Variants in ADGRB3 observed in about 807,000 individuals in gnomAD.
The protein encoded by ADGRB3 is brain-specific angiogenesis inhibitor 3.
ADGRB3 carries 37 observed loss-of-function variants against 193.4 expected under a neutral mutation model. That is an observed-to-expected ratio of 0.19 (90% CI 0.15 to 0.25). ADGRB3 has a LOEUF of 0.25. Ranked by LOEUF, ADGRB3 falls within the 10% of genes least tolerant of loss-of-function variation. The probability of loss-of-function intolerance (pLI) is 1.00; values close to 1 mark genes in which losing one functional copy is unlikely to be tolerated. For missense variants in ADGRB3, 1,637 were observed against 1,852.9 expected (o/e 0.88, Z 2.14); for synonymous variants, 690 against 644.2 (o/e 1.07, Z -1.08).
At chr6:69,295,467 G>A (rs1403201814) in intron 20 of ADGRB3, among the ~76,000 whole-genome samples, 1 of 152,088 alleles carries the variant, frequency 6.6e-6, no homozygotes, top group East Asian at 1.9e-4. Context: ...AGCAGCTGAA[G>A]GACCTGAGAC....
chr6:69,280,951 C>T (rs1036492696), intron 20 of ADGRB3, among the ~76,000 whole-genome samples: 1 of 152,168 alleles, frequency 6.6e-6, no homozygotes, highest in African/African-American at 2.4e-5. Context: ...TGCTTTCTAT[C>T]AAACTAAAAT....
intron 11 of ADGRB3, among the ~76,000 whole-genome samples, chr6:69,009,024 C>T (rs1229306902): frequency 6.7e-6 from 1 of 148,418 alleles, no homozygotes. Context: ...TTATTGTTTT[C>T]TATTAAAAAA....
intron 20 of ADGRB3, among the ~76,000 whole-genome samples, chr6:69,290,997 G>A (rs975303003): frequency 6.6e-6 from 1 of 152,078 alleles, no homozygotes; most frequent in African/African-American, 2.4e-5. Context: ...AGTCATATCT[G>A]ATTATATAGA....
At position 69,207,069 on chromosome 6, in the gene ADGRB3, C is replaced by T. The variant is rs533838378; in HGVS notation, c.2481-26221C>T. On this transcript the variant is annotated intron_variant, in intron 17 of 31. Coordinates refer to ENST00000370598, the MANE Select transcript of ADGRB3 (RefSeq NM_001704.3). Reference sequence around the variant, plus strand: ...TCATCTTGATAGTCTAGGTCATTCACGCCAGCCAACACTGTTACTCCCTTC... The same window carrying T: ...TCATCTTGATAGTCTAGGTCATTCATGCCAGCCAACACTGTTACTCCCTTC... Among the ~76,000 whole-genome samples, 18 of 152,264 alleles carry T rather than the reference C, an allele frequency of 1.2e-4. No individual in the cohort carries two copies. The East Asian group carries it at 2.9e-3, about 24-fold the overall frequency.
intron 20 of ADGRB3, among the ~76,000 whole-genome samples, chr6:69,278,628 G>A (rs1201281667): frequency 6.6e-6 from 1 of 152,134 alleles, no homozygotes. Context: ...GACATTACAA[G>A]CATGTTCAGG....
intron 16 of ADGRB3, among the ~76,000 whole-genome samples, chr6:69,067,129 C>T (rs1224026483): frequency 6.6e-6 from 1 of 152,036 alleles, no homozygotes; most frequent in East Asian, 1.9e-4. Context: ...TAGAGTGGAC[C>T]ATACCAGCCT....
At chr6:69,189,345 T>C (rs536715891) in intron 17 of ADGRB3, among the ~76,000 whole-genome samples, 1 of 152,326 alleles carries the variant, frequency 6.6e-6, no homozygotes, top group East Asian at 1.9e-4. Context: ...ATGTTTGCAT[T>C]TATACCAGCA....
At chr6:69,047,924 C>T (rs1180460578) in intron 13 of ADGRB3, among the ~76,000 whole-genome samples, 4 of 152,160 alleles carry the variant, frequency 2.6e-5, no homozygotes, top group Admixed American at 6.5e-5. Context: ...CCTGTTAATA[C>T]TCTCAGAATA....
chr6:68,943,867 A>G lies in ADGRB3; in HGVS notation c.1068A>G (p.Leu356=). The G allele has an allele frequency of 6.2e-7, 1 of 1,613,724 alleles. No individual in the cohort carries two copies. The highest frequency in any genetic ancestry group is 8.5e-7 in the Non-Finnish European group (1 of 1,179,738). The change falls in exon 6 of 32, where the codon TTA becomes TTG. Residue 356 remains leucine, a synonymous_variant. Coordinates refer to ENST00000370598, the MANE Select transcript of ADGRB3 (RefSeq NM_001704.3). ...GVWEEWSPWS[L]CSFTCGRGQR... ...GGGAGGAATGGTCACCATGGAGTTTATGTTCATTTACATGTGGTCGAGGCC... is the reference window on the plus strand; with the variant it reads ...GGGAGGAATGGTCACCATGGAGTTTGTGTTCATTTACATGTGGTCGAGGCC...
At chr6:69,183,459 T>A (rs1764986323) in intron 17 of ADGRB3, among the ~76,000 whole-genome samples, 1 of 149,958 alleles carries the variant, frequency 6.7e-6, no homozygotes, top group Non-Finnish European at 1.5e-5. Context: ...GAGAACTTCA[T>A]TCTTTCAAAT....
At chr6:69,038,237 C>G (rs1770931906) in intron 13 of ADGRB3, among the ~76,000 whole-genome samples, 1 of 152,052 alleles carries the variant, frequency 6.6e-6, no homozygotes. Flanking sequence ...TTTTTGCCTG[C>G]ATTGGTGCCT....
At chr6:68,875,700 T>C (rs566821578) in intron 3 of ADGRB3, among the ~76,000 whole-genome samples, 1 of 152,086 alleles carries the variant, frequency 6.6e-6, no homozygotes, top group Non-Finnish European at 1.5e-5. Flanking sequence ...GTATTTTAAA[T>C]ATCAACTATA....
At chr6:69,180,329 A>G (rs1775545991) in intron 17 of ADGRB3, among the ~76,000 whole-genome samples, 1 of 152,250 alleles carries the variant, frequency 6.6e-6, no homozygotes, top group Admixed American at 6.5e-5. Context: ...TGGAGCAGAA[A>G]GGGCCTTCTT....
chr6:68,804,940 A>T (rs910191473), intron 3 of ADGRB3, among the ~76,000 whole-genome samples: 7 of 150,586 alleles, frequency 4.6e-5, no homozygotes, highest in East Asian at 2.0e-4. Flanking sequence ...TTATTTATTT[A>T]TTTTTTTGAC....
In ADGRB3 at chr6:69,297,372, C is replaced by CTT. The variant is rs1431421716; in HGVS notation, c.2815-27499_2815-27498insTT. ...TCTCTCTCTCTCTCTCTCTCTTTCT[C>CTT]TCTCTCTCTCTCTCTCTCTATCTCT... On this transcript the variant is annotated intron_variant, in intron 20 of 31. Transcript: ENST00000370598. Among the ~76,000 whole-genome samples, 118 of 85,338 alleles carry CTT rather than the reference C, an allele frequency of 1.4e-3. 1 individual carries two copies. The highest frequency in any genetic ancestry group is 6.6e-3 in the South Asian group (15 of 2,260). The allele number at this position is 85,338 out of a possible 152,430, so 56.0% of individuals were successfully genotyped here.
Position 69,318,808 on chromosome 6 carries a change from C to T in ADGRB3, c.2815-6064C>T, listed in dbSNP as rs1466565559. 3.3e-5 allele frequency among the ~76,000 whole-genome samples: 5 copies of T among 150,184 alleles called. 1 individual carries two copies. Among genetic ancestry groups the T allele is most frequent in the Non-Finnish European group, 4.5e-5 (3 of 67,164 alleles). ...ATTTATGTTTTACTAGAAAAACGTC[C>T]ATTTTATGTAGCTTGTCAAGGGTGT... On this transcript the variant is annotated intron_variant, in intron 20 of 31. Coordinates refer to ENST00000370598, the MANE Select transcript of ADGRB3 (RefSeq NM_001704.3).
At chr6:69,044,509 G>A (rs951627737) in intron 13 of ADGRB3, among the ~76,000 whole-genome samples, 8 of 152,188 alleles carry the variant, frequency 5.3e-5, no homozygotes, top group African/African-American at 1.9e-4. Context: ...AACAGCTCAT[G>A]TGCTTTTAAA....
intron 5 of ADGRB3, among the ~76,000 whole-genome samples, chr6:68,943,296 A>C (rs1767691079): frequency 3.3e-5 from 5 of 152,112 alleles, no homozygotes; most frequent in Admixed American, 3.3e-4. Flanking sequence ...AAATGGCAAA[A>C]AATCTATTTT....
chr6:68,777,329 T>C (rs1743062879), intron 3 of ADGRB3, among the ~76,000 whole-genome samples: 1 of 152,134 alleles, frequency 6.6e-6, no homozygotes, highest in Non-Finnish European at 1.5e-5. Flanking sequence ...ACATTTTGGT[T>C]ACATATCCTA....
Sources: gnomAD v4.1 joint callset for allele counts (sites outside exome capture counted in the v4.1 genomes callset) on GRCh38, gnomAD v4.1.1 for gene constraint, MANE v1.5 for transcripts, NCBI Gene and HGNC (gene_info 2026-07-23, HGNC 2026-07-21) for gene names.